Variants in KANK1 observed in about 807,000 individuals in gnomAD.
KANK1 encodes KN motif and ankyrin repeat domains 1.
In KANK1, 109 loss-of-function variants were observed where a neutral mutation model predicts 106.2. The ratio of observed to expected loss-of-function variants is 1.03; its 90% CI spans 0.88 to 1.20. The LOEUF (loss-of-function observed/expected upper bound fraction) is 1.20, where lower values mean the gene tolerates loss of function less well. Ranked by LOEUF, KANK1 falls within the 50% of genes most tolerant of loss-of-function variation. The pLI, the probability that KANK1 is intolerant of heterozygous loss-of-function variation, is 0.00. For missense variants in KANK1, 2,399 were observed against 1,710.7 expected (o/e 1.40, Z -7.10); for synonymous variants, 873 against 652.2 (o/e 1.34, Z -5.16).
rs1431891907 is a variant in KANK1 at position 740,822 on chromosome 9, C to G, written c.3584C>G (p.Ala1195Gly). The G allele has an allele frequency of 6.2e-7, 1 of 1,613,254 alleles. No individual in the cohort carries two copies. Among genetic ancestry groups the G allele is most frequent in the Non-Finnish European group, 8.5e-7 (1 of 1,179,920 alleles). Residue 1195 changes from alanine (A) to glycine (G), a missense_variant, in exon 9 of 12, where the codon GCA becomes GGA. Ala to Gly is a moderately conservative substitution (Grantham distance 60). Transcript: ENST00000382297. ...TGTAATGTGGATCACCAGAACAAGG[C>G]AGGCTACACCCCCATCATGTTGGCG... ...DVCNVDHQNKAGYTPIMLAAL... is the reference protein window; with the variant it reads ...DVCNVDHQNKGGYTPIMLAAL...
intron 3 of KANK1, among the ~76,000 whole-genome samples, chr9:717,441 G>A (rs1828028214): frequency 1.3e-5 from 2 of 152,108 alleles, no homozygotes; most frequent in Admixed American, 6.6e-5. Context: ...ATATATTTTT[G>A]TAATAAAATT....
chr9:515,175 CTA>C (rs1435965697), intron 1 of KANK1, among the ~76,000 whole-genome samples: 1 of 151,400 alleles, frequency 6.6e-6, no homozygotes, highest in Non-Finnish European at 1.5e-5. Context: ...AACCCTATCT[CTA>C]CTAAAAAAAT....
intron 3 of KANK1, among the ~76,000 whole-genome samples, chr9:718,538 G>A (rs952861466): frequency 6.6e-6 from 1 of 151,830 alleles, no homozygotes; most frequent in African/African-American, 2.4e-5. Flanking sequence ...TTGAACTTTT[G>A]GGCTCAAGCA....
At chr9:657,779 C>G (rs1331470744) in intron 1 of KANK1, among the ~76,000 whole-genome samples, 1 of 152,022 alleles carries the variant, frequency 6.6e-6, no homozygotes, top group Non-Finnish European at 1.5e-5. Flanking sequence ...CTAGGTCAGA[C>G]AGTTGACCTC....
chr9:535,117 G>C (rs1056822455), intron 1 of KANK1, among the ~76,000 whole-genome samples: 1 of 152,180 alleles, frequency 6.6e-6, no homozygotes, highest in Non-Finnish European at 1.5e-5. Flanking sequence ...GACTGCAGTG[G>C]GCAAGTTTCC....
intron 1 of KANK1, among the ~76,000 whole-genome samples, chr9:631,909 C>T (rs1020347138): frequency 6.6e-6 from 1 of 152,182 alleles, no homozygotes; most frequent in Non-Finnish European, 1.5e-5. Context: ...GGGTTATCTA[C>T]CGCTGTGGCT....
chr9:520,570 A>T (rs2059499018), intron 1 of KANK1, among the ~76,000 whole-genome samples: 3 of 151,730 alleles, frequency 2.0e-5, no homozygotes, highest in Admixed American at 1.3e-4. Context: ...ATAATTGAAA[A>T]CAATATAATC....
intron 3 of KANK1, among the ~76,000 whole-genome samples, chr9:719,986 C>T (rs972881068): frequency 6.6e-6 from 1 of 152,154 alleles, no homozygotes; most frequent in Admixed American, 6.5e-5. Flanking sequence ...TCATTATAGT[C>T]ATCTCATTTG....
chr9:571,717 A>T (rs1299286529), intron 1 of KANK1, among the ~76,000 whole-genome samples: 1 of 152,256 alleles, frequency 6.6e-6, no homozygotes, highest in Non-Finnish European at 1.5e-5. Context: ...ATACAGTTGG[A>T]CTATAGAGTC....
intron 3 of KANK1, among the ~76,000 whole-genome samples, chr9:715,417 C>T (rs376050316): frequency 1.3e-5 from 2 of 152,162 alleles, no homozygotes; most frequent in African/African-American, 4.8e-5. Flanking sequence ...TCCCAGCCTT[C>T]CTCCCTCCTC....
rs190529725 is a variant in KANK1, at chr9:650,037, A to T, written c.-83-26853A>T. Among the ~76,000 whole-genome samples, 3 of 152,286 alleles carry T rather than the reference A, an allele frequency of 2.0e-5. 1 individual carries two copies. Among genetic ancestry groups the T allele is most frequent in the African/African-American group, 7.2e-5 (3 of 41,546 alleles). ...GTGCTACTTCGTAAGACTGCTTGCA[A>T]TCCCCAATATAATAGAATAAAACTG... On this transcript the variant is annotated intron_variant, in intron 1 of 11. Transcript: ENST00000382297.
intron 1 of KANK1, among the ~76,000 whole-genome samples, chr9:658,720 T>A (rs1019411637): frequency 6.6e-6 from 1 of 152,212 alleles, no homozygotes; most frequent in East Asian, 1.9e-4. Context: ...TAGCACTGTT[T>A]GTTGAAAAGA....
chr9:676,955 C>G lies in KANK1; in HGVS notation c.-18C>G. 1 of 1,612,264 alleles carries G rather than the reference C, an allele frequency of 6.2e-7. No individual in the cohort carries two copies. The highest frequency in any genetic ancestry group is 1.7e-5 in the Admixed American group (1 of 59,928). The stretch of plus-strand genomic sequence containing the variant: ...ACTCCTCACTCCTTTCTGGATCTCT[C>G]ATTGGACTCAAGCCAGCATGGCTCA... On this transcript the variant is annotated 5_prime_UTR_variant, in exon 2 of 12. The change creates a premature stop within an existing upstream ORF in the 5' untranslated region. Transcript: ENST00000382297.
chr9:640,388 A>G (rs999188527), intron 1 of KANK1, among the ~76,000 whole-genome samples: 34 of 149,894 alleles, frequency 2.3e-4, no homozygotes, highest in African/African-American at 8.1e-4. Context: ...GGTGCATGCC[A>G]TCACGCCCAG....
At chr9:477,507 C>G (rs2058126242) in intron 3 of KANK1, among the ~76,000 whole-genome samples, 1 of 152,120 alleles carries the variant, frequency 6.6e-6, no homozygotes, top group South Asian at 2.1e-4. Flanking sequence ...AGAGGTGTCC[C>G]TACTGCACAG....
chr9:593,307 A>G lies in KANK1; in HGVS notation c.-83-83583A>G, dbSNP rs112927455. On this transcript the variant is annotated intron_variant, in intron 1 of 11. Coordinates refer to ENST00000382297, the MANE Select transcript of KANK1 (RefSeq NM_015158.5). ...AAGTCAGATGTGCCCATTCTCACAT[A>G]TTCAAACAATAAAACATACAGACAA... is the stretch of plus-strand genomic sequence containing the variant. Among the ~76,000 whole-genome samples, 238 of 151,990 alleles carry G rather than the reference A, an allele frequency of 1.6e-3. 11 individuals are homozygous for G. Among genetic ancestry groups the G allele is most frequent in the African/African-American group, 5.5e-3 (225 of 41,268 alleles).
chr9:638,315 C>A (rs1456116621), intron 1 of KANK1, among the ~76,000 whole-genome samples: 10 of 152,118 alleles, frequency 6.6e-5, no homozygotes. Context: ...TTGCTGATAC[C>A]AGTAAAGCCT....
At chr9:662,751 T>C (rs1438598046) in intron 1 of KANK1, among the ~76,000 whole-genome samples, 2 of 150,910 alleles carry the variant, frequency 1.3e-5, no homozygotes, top group Non-Finnish European at 2.9e-5. Context: ...AATCTCCACC[T>C]CCTGGGTTGA....
At chr9:633,383 G>A (rs894592902) in intron 1 of KANK1, among the ~76,000 whole-genome samples, 10 of 152,106 alleles carry the variant, frequency 6.6e-5, no homozygotes, top group Non-Finnish European at 1.2e-4. Context: ...GCGTGAACCC[G>A]GGAGGCGGAG....
Sources: allele counts gnomAD v4.1 joint callset (sites outside exome capture counted in the v4.1 genomes callset), GRCh38; gene constraint gnomAD v4.1.1; transcripts MANE v1.5; gene names NCBI Gene and HGNC (gene_info 2026-07-23, HGNC 2026-07-21).